Variants in GTF3C3 observed in about 807,000 individuals in gnomAD.
GTF3C3 encodes the protein general transcription factor 3C polypeptide 3.
A neutral mutation model predicts 105.2 loss-of-function variants in GTF3C3; 75 were observed. The ratio of observed to expected loss-of-function variants is 0.71; its 90% CI spans 0.59 to 0.86. GTF3C3 has a LOEUF of 0.86. Among genes scored for constraint, GTF3C3 ranks in the 40% least tolerant of loss-of-function variants. The probability of loss-of-function intolerance (pLI) is 0.00; values close to 1 mark genes in which losing one functional copy is unlikely to be tolerated. For synonymous variants in GTF3C3, 335 were observed against 370.4 expected, an observed-to-expected ratio of 0.90 and a Z score of 1.10; for missense variants, 856 against 1,076.5, an observed-to-expected ratio of 0.80 and a Z score of 2.87.
chr2:196,790,706 C>T (rs1265624848), intron 4 of GTF3C3, among the ~76,000 whole-genome samples: 1 of 151,852 alleles, frequency 6.6e-6, no homozygotes, highest in African/African-American at 2.4e-5. Context: ...CTCAAATTAC[C>T]CTAATGAATA....
At chr2:196,791,254 A>G (rs1026504644) in intron 4 of GTF3C3, 83 bp downstream of exon 4, 3 of 1,327,358 alleles carry the variant, frequency 2.3e-6, no homozygotes, top group East Asian at 4.6e-5. Context: ...ATATTTTCCA[A>G]ATAGTACTGT....
chr2:196,791,308 AT>A, intron 4 of GTF3C3, 28 bp downstream of exon 4: 1 of 1,611,780 alleles, frequency 6.2e-7, no homozygotes, highest in Non-Finnish European at 8.5e-7. Flanking sequence ...TTAAACTGCT[AT>A]TATTAACAAA....
chr2:196,771,619 C>A, intron 15 of GTF3C3, 129 bp downstream of exon 15: 1 of 610,446 alleles, frequency 1.6e-6, no homozygotes, highest in Non-Finnish European at 2.9e-6. Flanking sequence ...GATCAAGAAA[C>A]TGAGGCAGGA....
intron 2 of GTF3C3, among the ~76,000 whole-genome samples, chr2:196,794,655 A>C (rs1433915178): frequency 6.6e-6 from 1 of 151,976 alleles, no homozygotes; most frequent in African/African-American, 2.4e-5. Flanking sequence ...GGCTGCTCTC[A>C]AACTCCCGAC....
intron 1 of GTF3C3, among the ~76,000 whole-genome samples, chr2:196,798,862 C>CAAAAAA (rs71410624): frequency 1.2e-5 from 1 of 83,742 alleles, no homozygotes; most frequent in Non-Finnish European, 2.6e-5. Flanking sequence ...AACTCCGTCT[C>CAAAAAA]AAAAAAAAAA....
At position 196,776,413 on chromosome 2, in the gene GTF3C3, G is replaced by C. The variant is rs750174222; in HGVS notation, c.1593+14C>G. On this transcript the variant is annotated intron_variant, in intron 11 of 17. Transcript: ENST00000263956. The surrounding 1 kb of genome is among the most constrained non-coding windows in gnomAD (Gnocchi z 4.5). ...TATACCAAGAAAAACTTCCCTCTAT[G>C]TGACATGGCCCACCTGCTGTGCAGC... 3 of 1,605,764 alleles carry C rather than the reference G, an allele frequency of 1.9e-6. No individual in the cohort carries two copies. In the South Asian group the frequency reaches 3.3e-5, roughly 18 times the overall value.
At chr2:196,790,966 ACTGT>A (rs958886465) in intron 4 of GTF3C3, among the ~76,000 whole-genome samples, 4 of 152,170 alleles carry the variant, frequency 2.6e-5, no homozygotes, top group Admixed American at 6.5e-5. Flanking sequence ...ACAAGTTTAA[ACTGT>A]CTTTTACCAA....
intron 16 of GTF3C3, among the ~76,000 whole-genome samples, chr2:196,768,088 G>T (rs1375782077): frequency 2.0e-5 from 3 of 152,204 alleles, no homozygotes; most frequent in African/African-American, 7.2e-5. Context: ...TGTGATCTCA[G>T]CTCATTGCAA....
At chr2:196,796,789 T>C (rs1370796097) in intron 2 of GTF3C3, among the ~76,000 whole-genome samples, 1 of 152,186 alleles carries the variant, frequency 6.6e-6, no homozygotes. Context: ...TGTTCCTGTG[T>C]TGGTTTGCTG....
At chr2:196,792,577 T>C (rs1699568150) in intron 3 of GTF3C3, among the ~76,000 whole-genome samples, 1 of 152,180 alleles carries the variant, frequency 6.6e-6, no homozygotes, top group South Asian at 2.1e-4. Context: ...TTTTAAAAAA[T>C]AAATGGCCCA....
chr2:196,799,645 C>T lies in GTF3C3; in HGVS notation c.-34G>A, dbSNP rs762580548. On this transcript the variant is annotated 5_prime_UTR_variant, in exon 1 of 18. Coordinates refer to ENST00000263956, the MANE Select transcript of GTF3C3 (RefSeq NM_012086.5). ...GGTCTGTCTGTGCAACCCCAGGAAC[C>T]GGGACAGAGAACCGGAAGAGCAGCG... 22 of 1,483,008 alleles carry T rather than the reference C, an allele frequency of 1.5e-5. No homozygotes were observed. The East Asian group carries it at 4.8e-4, about 32-fold the overall frequency. The allele number at this position is 1,483,008 out of a possible 1,614,324, so 91.9% of individuals were successfully genotyped here. A position where few individuals can be genotyped will look rare whatever the true frequency, so the allele number is the denominator to read the frequency against.
chr2:196,774,595 A>G (rs1236605970), intron 13 of GTF3C3, among the ~76,000 whole-genome samples: 2 of 152,242 alleles, frequency 1.3e-5, no homozygotes, highest in African/African-American at 2.4e-5. Flanking sequence ...GAAAGAAAAC[A>G]GGCAGATCAC....
Position 196,772,029 on chromosome 2 carries a change from A to C in GTF3C3, c.2070-91T>G, listed in dbSNP as rs926175848. The C allele has an allele frequency of 6.5e-6, 5 of 768,244 alleles. No individual in the cohort carries two copies. The African/African-American group carries it at 8.7e-5, about 13-fold the overall frequency. The allele number at this position is 768,244 out of a possible 1,614,324, so 47.6% of individuals were successfully genotyped here. A position where few individuals can be genotyped will look rare whatever the true frequency, so the allele number is the denominator to read the frequency against. ...AACCCTTCAGTGCTGTCCTACCAGCACTGAAATGTACCATCCTCCAACAAG... is the reference window on the plus strand; with the variant it reads ...AACCCTTCAGTGCTGTCCTACCAGCCCTGAAATGTACCATCCTCCAACAAG... On this transcript the variant is annotated intron_variant, in intron 14 of 17. Coordinates refer to ENST00000263956, the MANE Select transcript of GTF3C3 (RefSeq NM_012086.5).
At position 196,785,497 on chromosome 2, in the gene GTF3C3, C is replaced by T. The variant is rs1223591927; in HGVS notation, c.985G>A (p.Val329Ile). Residue 329 changes from valine (V) to isoleucine (I), a missense_variant, in exon 7 of 18, where the codon GTT becomes ATT. By Grantham distance (29) the Val-to-Ile change is conservative. Transcript: ENST00000263956. ...KHQGLVSMED[V>I]NIAAELYISN... ...ATATATAGTTCAGCTGCTATGTTAACATCTTCCATGGAGACTAGGCCCTGG... is the reference window on the plus strand; with the variant it reads ...ATATATAGTTCAGCTGCTATGTTAATATCTTCCATGGAGACTAGGCCCTGG... 6 of 1,610,308 alleles carry T rather than the reference C, an allele frequency of 3.7e-6. No individual in the cohort carries two copies. Among genetic ancestry groups the T allele is most frequent in the Non-Finnish European group, 2.5e-6 (3 of 1,177,086 alleles).
chr2:196,777,648 T>C (rs1359575241), intron 10 of GTF3C3: 1 of 152,208 alleles, frequency 6.6e-6, no homozygotes, highest in Non-Finnish European at 1.5e-5. Flanking sequence ...ATTTTCTCAT[T>C]TTTCACTTTA....
intron 3 of GTF3C3, 131 bp downstream of exon 3, chr2:196,792,824 CA>C: frequency 3.0e-6 from 2 of 661,410 alleles, no homozygotes; most frequent in Non-Finnish European, 2.6e-6. Context: ...ACATAATAAA[CA>C]AATAACAATA....
At chr2:196,772,021 C>A in intron 14 of GTF3C3, 83 bp from the exon 15 acceptor site, 1 of 851,884 alleles carries the variant, frequency 1.2e-6, no homozygotes, top group South Asian at 1.4e-5. Context: ...CAGTGCTGTC[C>A]TACCAGCACT....
intron 16 of GTF3C3, among the ~76,000 whole-genome samples, chr2:196,769,081 A>C (rs1699123348): frequency 6.6e-6 from 1 of 152,188 alleles, no homozygotes; most frequent in Non-Finnish European, 1.5e-5. Flanking sequence ...AAAATTTAGA[A>C]GTTTTTGTTT....
Position 196,776,036 on chromosome 2 carries a change from G to A in GTF3C3, c.1669C>T (p.Leu557Phe). Residue 557 changes from leucine (L) to phenylalanine (F), a missense_variant, in exon 12 of 18, where the codon CTT becomes TTT. This residue lies in a region of GTF3C3 where 605 missense variants were observed against 833.6 expected (regional missense o/e 0.73). Transcript: ENST00000263956. This position sits in a 1 kb window ranked among gnomAD's most constrained non-coding sequence, Gnocchi z 4.5. ...TTTAAAAGCATGGCTAACATAGTAA[G>A]TAAGGTATCCACATAACCATACATT... ...GKMYGYVDTLLTMLAMLLKVA... is the reference protein window; with the variant it reads ...GKMYGYVDTLFTMLAMLLKVA... The A allele has an allele frequency of 6.3e-7, 1 of 1,578,738 alleles. No homozygotes were observed. Among genetic ancestry groups the A allele is most frequent in the Non-Finnish European group, 8.6e-7 (1 of 1,157,588 alleles).
Sources: gnomAD v4.1 joint callset for allele counts (sites outside exome capture counted in the v4.1 genomes callset) on GRCh38, gnomAD v4.1.1 for gene constraint, gnomAD v4.1.1 regional missense constraint, Gnocchi (gnomAD v3.1) non-coding constraint, MANE v1.5 for transcripts, NCBI Gene and HGNC (gene_info 2026-07-23, HGNC 2026-07-21) for gene names.